CELF1: variants seen among roughly 807,000 people sequenced by gnomAD.
CELF1 encodes the protein CUGBP Elav-like family member 1, also known as 50 kDa nuclear polyadenylated RNA-binding protein.
In CELF1, 10 loss-of-function variants were observed where a neutral mutation model predicts 61.8. That is an observed-to-expected ratio of 0.16 (90% CI 0.10 to 0.27). CELF1 has a LOEUF of 0.27. Among genes scored for constraint, CELF1 ranks in the 10% least tolerant of loss-of-function variants. CELF1 has a pLI of 1.00. For synonymous variants in CELF1, 236 were observed against 225.1 expected, an observed-to-expected ratio of 1.05 and a Z score of -0.43; for missense variants, 380 against 639.1, an observed-to-expected ratio of 0.59 and a Z score of 4.37.
At chr11:47,517,201 A>G (rs939876363) in intron 1 of CELF1, among the ~76,000 whole-genome samples, 5 of 150,414 alleles carry the variant, frequency 3.3e-5, no homozygotes, top group African/African-American at 1.2e-4. Flanking sequence ...AACTGTGATC[A>G]TGCCACTGCA....
chr11:47,527,050 T>TA (rs779124412), intron 1 of CELF1, among the ~76,000 whole-genome samples: 3,328 of 126,736 alleles, frequency 0.026, 89 homozygotes, highest in African/African-American at 0.077. Flanking sequence ...AAACTCCGTC[T>TA]AAAAAAAAAA....
chr11:47,558,233 T>C (rs1215131130), intron 2 of CELF1, among the ~76,000 whole-genome samples: 1 of 151,818 alleles, frequency 6.6e-6, no homozygotes, highest in African/African-American at 2.4e-5. Context: ...TGGAGGCCTA[T>C]AGCCTATGAT....
chr11:47,558,565 T>C (rs2097213644), intron 2 of CELF1, among the ~76,000 whole-genome samples: 1 of 106,486 alleles, frequency 9.4e-6, no homozygotes, highest in South Asian at 2.3e-4. Context: ...TATTTATATA[T>C]AATATATAAA....
At chr11:47,541,283 C>T (rs1177111654) in intron 1 of CELF1, among the ~76,000 whole-genome samples, 1 of 1,606 alleles carries the variant, frequency 6.2e-4, no homozygotes, top group African/African-American at 7.0e-4. Context: ...ACACAGTCTG[C>T]AAGAGCTTAC....
At chr11:47,541,686 C>CTCAAAAAAAAAAAA in intron 1 of CELF1, among the ~76,000 whole-genome samples, 1 of 11,690 alleles carries the variant, frequency 8.6e-5, no homozygotes, top group African/African-American at 1.3e-4. Flanking sequence ...GCGAGACTGT[C>CTCAAAAAAAAAAAA]AAAGAAAGAA....
At chr11:47,555,421 C>CTG (rs1290047461), upstream of CELF1, among the ~76,000 whole-genome samples, 1 of 152,186 alleles carries the variant, frequency 6.6e-6, no homozygotes, top group Non-Finnish European at 1.5e-5. Flanking sequence ...CCTATTCTAT[C>CTG]TGTGCCTTGA....
At chr11:47,544,074 C>T (rs1378109854) in intron 1 of CELF1, among the ~76,000 whole-genome samples, 1 of 152,188 alleles carries the variant, frequency 6.6e-6, no homozygotes, top group African/African-American at 2.4e-5. Context: ...CAAGGAACAA[C>T]GTCCTGTTTA....
chr11:47,545,915 A>ATTT (rs11315630), intron 1 of CELF1, among the ~76,000 whole-genome samples: 1 of 135,844 alleles, frequency 7.4e-6, no homozygotes, highest in South Asian at 2.3e-4. Context: ...GTATATATAT[A>ATTT]TTTTTTTTTT....
At chr11:47,492,625 G>A (rs754193941) in intron 3 of CELF1, among the ~76,000 whole-genome samples, 1 of 152,068 alleles carries the variant, frequency 6.6e-6, no homozygotes, top group Non-Finnish European at 1.5e-5. Context: ...CCAGCTACTC[G>A]GGAGGCTAAG....
In CELF1 at chr11:47,506,356, G is replaced by A. The variant is rs529366662; in HGVS notation, c.-153-5424C>T. Among the ~76,000 whole-genome samples the A allele has an allele frequency of 2.1e-3, 301 of 142,200 alleles. 13 individuals carry two copies. Among genetic ancestry groups the A allele is most frequent in the Middle Eastern group, 0.015 (4 of 262 alleles). The allele number at this position is 142,200 out of a possible 152,430, so 93.3% of individuals were successfully genotyped here. A position where few individuals can be genotyped will look rare whatever the true frequency, so the allele number is the denominator to read the frequency against. On this transcript the variant is annotated intron_variant, in intron 1 of 14. Transcript: ENST00000687097. ...CCAGGAGAATTGCTTGAACCCGGGA[G>A]GCGGAGGGGTTGCAGTGAGCCAAGA...
At chr11:47,530,511 T>C (rs1408179667) in intron 1 of CELF1, among the ~76,000 whole-genome samples, 1 of 152,222 alleles carries the variant, frequency 6.6e-6, no homozygotes, top group Non-Finnish European at 1.5e-5. Flanking sequence ...TTGGTATATG[T>C]GGCACTGACT....
chr11:47,475,935 G>A (rs984957500), intron 12 of CELF1, among the ~76,000 whole-genome samples: 18 of 151,976 alleles, frequency 1.2e-4, no homozygotes, highest in African/African-American at 4.4e-4. Context: ...CAGGTACTAA[G>A]TACATTCTAT....
At chr11:47,541,094 T>G (rs2096762452) in intron 1 of CELF1, among the ~76,000 whole-genome samples, 1 of 152,036 alleles carries the variant, frequency 6.6e-6, no homozygotes, top group East Asian at 1.9e-4. Flanking sequence ...GTAGAATGTT[T>G]CCCATACACA....
At chr11:47,479,846 C>T (rs759932188) in intron 9 of CELF1, among the ~76,000 whole-genome samples, 27 of 152,086 alleles carry the variant, frequency 1.8e-4, no homozygotes, top group Non-Finnish European at 3.4e-4. Context: ...TCTCTGTCGC[C>T]GCAAATCCTT....
intron 11 of CELF1, 84 bp downstream of exon 11, chr11:47,477,213 A>G (rs749104127): frequency 4.7e-6 from 7 of 1,475,100 alleles, no homozygotes; most frequent in African/African-American, 1.4e-5. Context: ...GGTGTTAACT[A>G]TTTTCCCTCT....
chr11:47,552,184 C>T (rs2097155575), intron 1 of CELF1, among the ~76,000 whole-genome samples: 1 of 152,102 alleles, frequency 6.6e-6, no homozygotes, highest in Non-Finnish European at 1.5e-5. Flanking sequence ...TTCCATTTTG[C>T]GGAAACAGAT....
At chr11:47,514,691 A>AC (rs1236418685) in intron 1 of CELF1, among the ~76,000 whole-genome samples, 6 of 103,710 alleles carry the variant, frequency 5.8e-5, no homozygotes, top group African/African-American at 2.1e-4. Flanking sequence ...CCCTATCTCT[A>AC]CAAAAAAAAA....
chr11:47,490,074 G>A (rs571250355), intron 3 of CELF1, among the ~76,000 whole-genome samples: 1 of 151,016 alleles, frequency 6.6e-6, no homozygotes, highest in East Asian at 2.0e-4. Flanking sequence ...AAGTGGCTGG[G>A]ATTACAGGTG....
Position 47,469,654 on chromosome 11 carries a change from G to A in CELF1, c.*2576C>T, listed in dbSNP as rs1005896023. 1.3e-5 allele frequency: 2 copies of A among 152,394 alleles called. No individual in the cohort carries two copies. The highest frequency in any genetic ancestry group is 6.5e-5 in the Admixed American group (1 of 15,292). 9.4% of individuals were successfully genotyped at this position (152,394 alleles called of 1,614,324 possible). On this transcript the variant is annotated 3_prime_UTR_variant, in exon 15 of 15. Coordinates refer to ENST00000687097, the MANE Select transcript of CELF1 (RefSeq NM_001376376.1). ...GCTGTGCTAACTCACTGGGCAGGGGGAGGAGAGAACAGAGAAGTGCATGGT... is the reference window on the plus strand; with the variant it reads ...GCTGTGCTAACTCACTGGGCAGGGGAAGGAGAGAACAGAGAAGTGCATGGT...
Sources: allele counts gnomAD v4.1 joint callset (sites outside exome capture counted in the v4.1 genomes callset), GRCh38; gene constraint gnomAD v4.1.1; transcripts MANE v1.5; gene names NCBI Gene and HGNC (gene_info 2026-07-23, HGNC 2026-07-21).